ASAP2: variants seen among roughly 807,000 people sequenced by gnomAD.
ASAP2 encodes ArfGAP with SH3 domain, ankyrin repeat and PH domain 2.
A neutral mutation model predicts 131.4 loss-of-function variants in ASAP2; 45 were observed. The observed-to-expected ratio is 0.34, with a 90% CI of 0.27 to 0.44. ASAP2 has a LOEUF of 0.44. ASAP2 is among the 20% of genes least tolerant of loss of function. ASAP2 has a pLI of 1.00. For synonymous variants in ASAP2, 510 were observed against 503.0 expected (o/e 1.01, Z -0.19); for missense variants, 1,011 against 1,297.0 (o/e 0.78, Z 3.39).
rs183038781 is a variant in ASAP2, at chr2:9,375,729, G to A, written c.1746+785G>A. ...CTCTGGAAAGAAAACCCATCTCCAG[G>A]TGGAGGAGAAGACATCTCAGAAGCT... On this transcript the variant is annotated intron_variant, in intron 17 of 27. Transcript: ENST00000281419. Among the ~76,000 whole-genome samples, 201 of 152,324 alleles carry A rather than the reference G, an allele frequency of 1.3e-3. 1 individual carries two copies. The Middle Eastern group carries it at 0.017, about 13-fold the overall frequency.
chr2:9,298,825 T>C (rs1179564221), intron 3 of ASAP2, among the ~76,000 whole-genome samples: 1 of 152,168 alleles, frequency 6.6e-6, no homozygotes, highest in Non-Finnish European at 1.5e-5. Flanking sequence ...CCTGTTAGCT[T>C]CCTGGTGCCT....
chr2:9,343,539 C>G (rs1474656328), intron 9 of ASAP2, among the ~76,000 whole-genome samples: 1 of 152,328 alleles, frequency 6.6e-6, no homozygotes, highest in East Asian at 1.9e-4. Context: ...CTCGATCTCC[C>G]AGGCTCAAGC....
At position 9,405,146 on chromosome 2, in the gene ASAP2, T is replaced by A. The variant is rs1228744682; in HGVS notation, c.*1819T>A. 6.6e-6 allele frequency: 1 copy of A among 152,316 alleles called. No individual in the cohort carries two copies. Among genetic ancestry groups the A allele is most frequent in the Non-Finnish European group, 1.5e-5 (1 of 68,020 alleles). 9.4% of individuals were successfully genotyped at this position (152,316 alleles called of 1,614,324 possible). On this transcript the variant is annotated 3_prime_UTR_variant, in exon 28 of 28. Coordinates refer to ENST00000281419, the MANE Select transcript of ASAP2 (RefSeq NM_003887.3). Reference sequence around the variant, plus strand: ...TCTGTCAGGTTCACTGGTACATAAATACCTAGGAAATATTTTTCCAGTCTA... The same window carrying A: ...TCTGTCAGGTTCACTGGTACATAAAAACCTAGGAAATATTTTTCCAGTCTA...
Position 9,356,261 on chromosome 2 carries a change from A to G in ASAP2, c.1243A>G (p.Ile415Val). The change falls in exon 14 of 28, where the codon ATC (isoleucine) becomes GTC (valine). Residue 415 changes from isoleucine to valine, a missense_variant. Physicochemically the swap from Ile to Val is conservative, Grantham distance 29 (BLOSUM62 3). Transcript: ENST00000281419. Reference sequence around the variant, plus strand: ...GGATGACAATACTGGAGAAAATAACATCGTCCAAGAACTGACAAAGGAGAT... The same window carrying G: ...GGATGACAATACTGGAGAAAATAACGTCGTCCAAGAACTGACAAAGGAGAT... Reference protein sequence around the residue: ...KGDDNTGENNIVQELTKEIIS... With the variant: ...KGDDNTGENNVVQELTKEIIS... 1.2e-6 allele frequency: 2 copies of G among 1,614,148 alleles called. No individual in the cohort carries two copies. The highest frequency in any genetic ancestry group is 1.7e-6 in the Non-Finnish European group (2 of 1,179,974).
chr2:9,287,609 G>A (rs1667548820), intron 2 of ASAP2, among the ~76,000 whole-genome samples: 1 of 152,314 alleles, frequency 6.6e-6, no homozygotes, highest in Admixed American at 6.5e-5. Flanking sequence ...CAGATATGAG[G>A]GAGAGGATAA....
chr2:9,265,463 G>A (rs1665875259), intron 1 of ASAP2, among the ~76,000 whole-genome samples: 1 of 152,146 alleles, frequency 6.6e-6, no homozygotes, highest in African/African-American at 2.4e-5. Context: ...CTGCTTGATG[G>A]GAGGAGAAGA....
intron 3 of ASAP2, among the ~76,000 whole-genome samples, chr2:9,313,275 A>C (rs1463925347): frequency 6.6e-6 from 1 of 152,142 alleles, no homozygotes; most frequent in African/African-American, 2.4e-5. Flanking sequence ...ATCTCTTCTC[A>C]CCCTAATCTA....
rs575459693 is a variant in ASAP2 at position 9,207,568 on chromosome 2, G to A, written c.126+338G>A. On this transcript the variant is annotated intron_variant, in intron 1 of 27. Transcript: ENST00000281419. The surrounding 1 kb of genome is among the most constrained non-coding windows in gnomAD (Gnocchi z 4.1). ...CCGCTGCCCGCCGCCGCCCGCCGCC[G>A]CCCGGGGTCTTTGGTACCCGGTGCG... Among the ~76,000 whole-genome samples the A allele has an allele frequency of 6.6e-6, 1 of 152,118 alleles. No individual in the cohort carries two copies. The highest frequency in any genetic ancestry group is 1.9e-4 in the East Asian group (1 of 5,182).
At chr2:9,352,749 A>T (rs1672440309) in intron 12 of ASAP2, among the ~76,000 whole-genome samples, 3 of 152,142 alleles carry the variant, frequency 2.0e-5, no homozygotes, top group Admixed American at 1.3e-4. Context: ...ATTTACCAAG[A>T]TCCTGCCAGT....
intron 17 of ASAP2, 81 bp downstream of exon 17, chr2:9,375,025 C>A: frequency 7.7e-7 from 1 of 1,303,644 alleles, no homozygotes; most frequent in Non-Finnish European, 1.0e-6. Context: ...CAGTACTTTA[C>A]TTCAGGAGGC....
chr2:9,357,882 A>T lies in ASAP2; in HGVS notation c.1328-874A>T, dbSNP rs555905780. ...CTGCCGTGAGTTTCTCAGGGCAACA[A>T]ACAGTTCTGAAGAGAATTGTATTTA... On this transcript the variant is annotated intron_variant, in intron 14 of 27. Transcript: ENST00000281419. 4.3e-4 allele frequency among the ~76,000 whole-genome samples: 65 copies of T among 152,312 alleles called. 1 individual carries two copies. The highest frequency in any genetic ancestry group is 1.5e-3 in the African/African-American group (61 of 41,568).
chr2:9,284,153 G>C (rs969573449), intron 2 of ASAP2, among the ~76,000 whole-genome samples: 7 of 152,162 alleles, frequency 4.6e-5, no homozygotes, highest in Non-Finnish European at 7.3e-5. Flanking sequence ...TTGCCAAGTA[G>C]CATAACGTAC....
At chr2:9,213,017 T>C (rs1157532789) in intron 1 of ASAP2, among the ~76,000 whole-genome samples, 1 of 152,244 alleles carries the variant, frequency 6.6e-6, no homozygotes, top group East Asian at 1.9e-4. Flanking sequence ...AGCCTTGGCA[T>C]TTTTTAAAGC....
intron 3 of ASAP2, among the ~76,000 whole-genome samples, chr2:9,300,956 TTTCCAGGCCAGCGCCGGTG>T (rs1225230093): frequency 6.6e-6 from 1 of 152,226 alleles, no homozygotes; most frequent in Admixed American, 6.5e-5. Flanking sequence ...CATGCCTGGT[TTTCCAGGCCAGCGCCGGTG>T]TGGAAGCTGC....
intron 15 of ASAP2, among the ~76,000 whole-genome samples, chr2:9,366,770 T>C (rs532481308): frequency 6.6e-6 from 1 of 152,260 alleles, no homozygotes; most frequent in South Asian, 2.1e-4. Context: ...AAGGGCCGGG[T>C]TGAATTAGGA....
rs1666011652 is a variant in ASAP2 at position 9,267,318 on chromosome 2, C to G, written c.127-11999C>G. Among the ~76,000 whole-genome samples the G allele has an allele frequency of 3.3e-5, 5 of 151,980 alleles. No individual in the cohort carries two copies. In the South Asian group the frequency reaches 6.2e-4, roughly 19 times the overall value. ...CACATCTCTCCGCTCTCTAGTAGTC[C>G]CCAGTTTCTATTGTTTGTTTCTTTA... On this transcript the variant is annotated intron_variant, in intron 1 of 27. Transcript: ENST00000281419.
At chr2:9,254,254 T>TATATATATATATATATATATACACAC (rs1553297027) in intron 1 of ASAP2, among the ~76,000 whole-genome samples, 60 of 65,718 alleles carry the variant, frequency 9.1e-4, no homozygotes, top group African/African-American at 3.1e-3. Flanking sequence ...TATATATATA[T>TATATATATATATATATATATACACAC]ACACGTGTGT....
chr2:9,302,636 A>G (rs1209113043), intron 3 of ASAP2, among the ~76,000 whole-genome samples: 2 of 151,844 alleles, frequency 1.3e-5, no homozygotes, highest in African/African-American at 2.4e-5. Context: ...CACCACACCC[A>G]GCTAAGTTTT....
intron 3 of ASAP2, among the ~76,000 whole-genome samples, chr2:9,301,548 T>C (rs1018565485): frequency 6.6e-6 from 1 of 152,234 alleles, no homozygotes; most frequent in Non-Finnish European, 1.5e-5. Flanking sequence ...AATGAAAGGC[T>C]GCATTTCAGG....
Sources: allele counts gnomAD v4.1 joint callset (sites outside exome capture counted in the v4.1 genomes callset), GRCh38; gene constraint gnomAD v4.1.1; non-coding constraint Gnocchi (gnomAD v3.1); transcripts MANE v1.5; gene names NCBI Gene and HGNC (gene_info 2026-07-23, HGNC 2026-07-21).